Variants in ABTB3 observed in about 807,000 individuals in gnomAD.
The protein encoded by ABTB3 is ankyrin repeat- and BTB/POZ domain-containing protein 3.
chr12:107,370,702 G>T, the ABTB3 span, among the ~76,000 whole-genome samples: 1 of 151,844 alleles, frequency 6.6e-6, no homozygotes, highest in Admixed American at 6.6e-5. Context: ...TGGTTGAAAG[G>T]CCATGCAAAG....
the ABTB3 span, among the ~76,000 whole-genome samples, chr12:107,445,053 C>T: frequency 1.3e-5 from 2 of 152,170 alleles, no homozygotes; most frequent in Admixed American, 6.5e-5. Context: ...TCGTGGCTCT[C>T]CCCCCAGCCT....
chr12:107,364,484 T>G, the ABTB3 span, among the ~76,000 whole-genome samples: 1 of 151,976 alleles, frequency 6.6e-6, no homozygotes, highest in African/African-American at 2.4e-5. Flanking sequence ...AGACATGGGC[T>G]TTCACCATAT....
At chr12:107,321,373 C>T in the ABTB3 span, among the ~76,000 whole-genome samples, 1 of 152,128 alleles carries the variant, frequency 6.6e-6, no homozygotes, top group African/African-American at 2.4e-5. Context: ...GCAGGGCGCC[C>T]GGCTCCAGCC....
At chr12:107,458,895 T>C in the ABTB3 span, among the ~76,000 whole-genome samples, 1 of 152,096 alleles carries the variant, frequency 6.6e-6, no homozygotes, top group Non-Finnish European at 1.5e-5. Flanking sequence ...GCAGGCCCCC[T>C]CTATGCCAGG....
chr12:107,370,296 G>A, the ABTB3 span, among the ~76,000 whole-genome samples: 1 of 152,138 alleles, frequency 6.6e-6, no homozygotes, highest in Non-Finnish European at 1.5e-5. Context: ...ATGTCGGTTC[G>A]TGGAAGCTTC....
chr12:107,649,375 C>T, the ABTB3 span: 3 of 1,132,294 alleles, frequency 2.6e-6, no homozygotes, highest in Non-Finnish European at 4.0e-6. Context: ...CTGGAAGGAC[C>T]CGTGTTGGGT....
the ABTB3 span, among the ~76,000 whole-genome samples, chr12:107,357,592 CAGAG>C: frequency 6.6e-6 from 1 of 152,092 alleles, no homozygotes; most frequent in East Asian, 1.9e-4. Flanking sequence ...GCCTGGGCCA[CAGAG>C]TAAGATTCTA....
At chr12:107,341,792 G>A in the ABTB3 span, among the ~76,000 whole-genome samples, 1 of 152,242 alleles carries the variant, frequency 6.6e-6, no homozygotes, top group Non-Finnish European at 1.5e-5. Flanking sequence ...TGTTGGTTTG[G>A]CACTGTCTTC....
chr12:107,532,914 A>C, the ABTB3 span, among the ~76,000 whole-genome samples: 2 of 152,252 alleles, frequency 1.3e-5, no homozygotes, highest in Non-Finnish European at 2.9e-5. Context: ...AGCCAAGAAG[A>C]CTATATCCAG....
At chr12:107,635,319 T>C in the ABTB3 span, 2 of 1,613,914 alleles carry the variant, frequency 1.2e-6, no homozygotes, top group Admixed American at 3.3e-5. Flanking sequence ...TGCGTCATCT[T>C]CACACACTGC....
chr12:107,545,501 C>T, the ABTB3 span, among the ~76,000 whole-genome samples: 1 of 152,116 alleles, frequency 6.6e-6, no homozygotes, highest in African/African-American at 2.4e-5. Context: ...TGCCTCATCC[C>T]TCAAAGTGCT....
chr12:107,455,322 G>T, the ABTB3 span, among the ~76,000 whole-genome samples: 2 of 152,172 alleles, frequency 1.3e-5, no homozygotes, highest in African/African-American at 2.4e-5. Flanking sequence ...CCCAAAGGGG[G>T]TTCAGGTCCA....
the ABTB3 span, among the ~76,000 whole-genome samples, chr12:107,576,885 T>A: frequency 2.8e-4 from 43 of 152,300 alleles, no homozygotes; most frequent in East Asian, 2.1e-3. Flanking sequence ...GGTCCTATCT[T>A]CTGATCTCCC....
the ABTB3 span, among the ~76,000 whole-genome samples, chr12:107,645,407 A>G: frequency 6.6e-6 from 1 of 152,084 alleles, no homozygotes; most frequent in African/African-American, 2.4e-5. Context: ...CTTACAGACA[A>G]GGGCATGCAT....
At chr12:107,468,992 C>G in the ABTB3 span, among the ~76,000 whole-genome samples, 1 of 152,154 alleles carries the variant, frequency 6.6e-6, no homozygotes, top group East Asian at 1.9e-4. Context: ...TAAATAACAC[C>G]TGTCCTCCCA....
the ABTB3 span, among the ~76,000 whole-genome samples, chr12:107,436,610 G>A: frequency 1.3e-5 from 2 of 152,194 alleles, no homozygotes; most frequent in South Asian, 4.1e-4. Flanking sequence ...TGGTTATCCT[G>A]CTTGCTATAA....
the ABTB3 span, among the ~76,000 whole-genome samples, chr12:107,452,246 T>C: frequency 6.8e-6 from 1 of 147,080 alleles, no homozygotes; most frequent in African/African-American, 2.5e-5. Flanking sequence ...TCTCACTCTG[T>C]CGCCCAGGCT....
chr12:107,405,732 C>A, the ABTB3 span, among the ~76,000 whole-genome samples: 23 of 152,370 alleles, frequency 1.5e-4, no homozygotes, highest in Middle Eastern at 3.4e-3. Context: ...GGCATGGCCA[C>A]CAGCCAAAGA....
chr12:107,458,818 CTG>C, the ABTB3 span, among the ~76,000 whole-genome samples: 32 of 152,300 alleles, frequency 2.1e-4, no homozygotes, highest in Non-Finnish European at 4.6e-4. Context: ...CCATGAAACA[CTG>C]AACCTTCCTG....
Sources: allele counts gnomAD v4.1 joint callset (sites outside exome capture counted in the v4.1 genomes callset), GRCh38; gene constraint gnomAD v4.1.1; transcripts MANE v1.5; gene names NCBI Gene and HGNC (gene_info 2026-07-23, HGNC 2026-07-21).